The following CFAP46 variants were observed in gnomAD, a reference collection of about 807,000 sequenced individuals.
The protein encoded by CFAP46 is cilia- and flagella-associated protein 46.
A neutral mutation model predicts 325.7 loss-of-function variants in CFAP46; 245 were observed. The ratio of observed to expected loss-of-function variants is 0.75; its 90% CI spans 0.68 to 0.84. The LOEUF (loss-of-function observed/expected upper bound fraction) is 0.84. Among genes scored for constraint, CFAP46 ranks in the 40% least tolerant of loss-of-function variants. The pLI, the probability that CFAP46 is intolerant of heterozygous loss-of-function variation, is 0.00. For missense variants in CFAP46, 3,346 were observed against 3,543.0 expected (o/e 0.94, Z 1.41); for synonymous variants, 1,523 against 1,495.9 (o/e 1.02, Z -0.42).
intron 35 of CFAP46, among the ~76,000 whole-genome samples, chr10:132,863,239 C>T (rs1401492400): frequency 1.3e-5 from 2 of 152,142 alleles, no homozygotes; most frequent in Non-Finnish European, 2.9e-5. Context: ...CACCACCTCC[C>T]ACTGCCTCCC....
Position 132,828,941 on chromosome 10 carries a change from G to A in CFAP46, c.7117+4417C>T, listed in dbSNP as rs941256660. Among the ~76,000 whole-genome samples, 6 of 151,916 alleles carry A rather than the reference G, an allele frequency of 3.9e-5. No individual in the cohort carries two copies. The South Asian group carries it at 6.2e-4, about 16-fold the overall frequency. On this transcript the variant is annotated intron_variant, in intron 50 of 57. Transcript: ENST00000368586. This position sits in a 1 kb window ranked among gnomAD's most constrained non-coding sequence, Gnocchi z 4.9. ...CATCCCCTGGGTCTACACGGCTACC[G>A]TCACGCCTGCGCTCCACTGTATCAA...
At chr10:132,913,425 G>T (rs1043136649) in intron 17 of CFAP46, among the ~76,000 whole-genome samples, 167 bp from the exon 18 acceptor site, 7 of 152,188 alleles carry the variant, frequency 4.6e-5, no homozygotes, top group African/African-American at 1.7e-4. Flanking sequence ...CCCGCCGCTG[G>T]CACTCCCACC....
chr10:132,808,919 G>T lies in CFAP46; in HGVS notation c.7665-15C>A, dbSNP rs1388259380. ...AGAAGCCTCGTCTGTGGAGAAAGGG[G>T]CGGGAGCTATGAACCCCGAGGCCCC... On this transcript the variant is annotated splice_polypyrimidine_tract_variant and intron_variant, in intron 57 of 57. Coordinates refer to ENST00000368586, the MANE Select transcript of CFAP46 (RefSeq NM_001200049.3). This position sits in a 1 kb window ranked among gnomAD's most constrained non-coding sequence, Gnocchi z 6.8. 6.4e-7 allele frequency: 1 copy of T among 1,560,210 alleles called. No individual in the cohort carries two copies. The highest frequency in any genetic ancestry group is 2.3e-5 in the East Asian group (1 of 44,040).
chr10:132,844,053 G>C lies in CFAP46; in HGVS notation c.6438+2004C>G, dbSNP rs866916166. Among the ~76,000 whole-genome samples, 455 of 78,112 alleles carry C rather than the reference G, an allele frequency of 5.8e-3. 1 individual carries two copies. The highest frequency in any genetic ancestry group is 0.037 in the Middle Eastern group (3 of 80). 51.2% of individuals were successfully genotyped at this position (78,112 alleles called of 152,430 possible). A position where few individuals can be genotyped will look rare whatever the true frequency, so the allele number is the denominator to read the frequency against. On this transcript the variant is annotated intron_variant, in intron 44 of 57. Coordinates refer to ENST00000368586, the MANE Select transcript of CFAP46 (RefSeq NM_001200049.3). ...GGTGTTCCCAGGGTGCTGTGGGGCT[G>C]TGGTCTCGGTGGGTGTTCCCAGGGT...
chr10:132,878,186 G>GGCTCCCCAGACTCTAGT, intron 29 of CFAP46, 99 bp from the exon 30 acceptor site: 1 of 1,122,902 alleles, frequency 8.9e-7, no homozygotes, highest in Non-Finnish European at 1.3e-6. Context: ...AGACCCGCGG[G>GGCTCCCCAGACTCTAGT]GCTCCCCAGA....
At chr10:132,900,527 C>T (rs1313186278) in intron 22 of CFAP46, among the ~76,000 whole-genome samples, 1 of 152,262 alleles carries the variant, frequency 6.6e-6, no homozygotes, top group African/African-American at 2.4e-5. Flanking sequence ...GTCCCAGAGC[C>T]AGGAATCTGC....
intron 50 of CFAP46, among the ~76,000 whole-genome samples, chr10:132,825,913 G>A (rs1848037217): frequency 6.6e-6 from 1 of 152,188 alleles, no homozygotes; most frequent in South Asian, 2.1e-4. Flanking sequence ...TCTGGTAACG[G>A]GGGGTGGGGC....
chr10:132,899,527 C>T lies in CFAP46; in HGVS notation c.3056+8G>A. 1 of 1,543,546 alleles carries T rather than the reference C, an allele frequency of 6.5e-7. No individual in the cohort carries two copies. The highest frequency in any genetic ancestry group is 1.2e-5 in the South Asian group (1 of 82,792). Reference sequence around the variant, plus strand: ...CAGAGCCCACCCCAGCCCCTTAGAGCCACACACCTGGCGCTCTCCGTGAAG... The same window carrying T: ...CAGAGCCCACCCCAGCCCCTTAGAGTCACACACCTGGCGCTCTCCGTGAAG... On this transcript the variant is annotated splice_region_variant and intron_variant, in intron 23 of 57. Coordinates refer to ENST00000368586, the MANE Select transcript of CFAP46 (RefSeq NM_001200049.3).
chr10:132,885,448 G>GGTGAGCCTCGGGT (rs1849108281), intron 26 of CFAP46, among the ~76,000 whole-genome samples, 162 bp from the exon 27 acceptor site: 1 of 151,846 alleles, frequency 6.6e-6, no homozygotes, highest in African/African-American at 2.4e-5. Flanking sequence ...GGGTCTCGGG[G>GGTGAGCCTCGGGT]GTGAGCGGGG....
At position 132,847,147 on chromosome 10, in the gene CFAP46, C is replaced by G. The variant is rs375168895; in HGVS notation, c.6088-36G>C. 2 of 1,607,958 alleles carry G rather than the reference C, an allele frequency of 1.2e-6. No homozygotes were observed. Among genetic ancestry groups the G allele is most frequent in the South Asian group, 1.1e-5 (1 of 90,786 alleles). The stretch of plus-strand genomic sequence containing the variant: ...CAAGGCTCAGGCTCAGGCCAGGCTC[C>G]GGGCAGAGGCCACACGAGGGGCAGG... On this transcript the variant is annotated intron_variant, in intron 42 of 57. Coordinates refer to ENST00000368586, the MANE Select transcript of CFAP46 (RefSeq NM_001200049.3). The surrounding 1 kb of genome is among the most constrained non-coding windows in gnomAD (Gnocchi z 5.2).
intron 34 of CFAP46, 85 bp downstream of exon 34, chr10:132,867,290 C>T (rs1240285817): frequency 4.7e-6 from 7 of 1,489,376 alleles, no homozygotes; most frequent in Non-Finnish European, 6.3e-6. Flanking sequence ...GGCCGGCCGC[C>T]TGGCTCAGCT....
Position 132,859,241 on chromosome 10 carries a change from C to T in CFAP46, c.5205G>A (p.Leu1735=). ...FMITDLEARC[L]SLRVRVAQHS... ...GCTGCGCAACTCTGACCCGCAGGCT[C>T]AGGCACCTGACGGAGGGACGGTTTG... Residue 1735 remains leucine (L), a synonymous_variant, in exon 38 of 58, where the codon CTG becomes CTA. Coordinates refer to ENST00000368586, the MANE Select transcript of CFAP46 (RefSeq NM_001200049.3). The T allele has an allele frequency of 6.5e-7, 1 of 1,548,236 alleles. No homozygotes were observed. The highest frequency in any genetic ancestry group is 8.7e-7 in the Non-Finnish European group (1 of 1,146,544).
intron 40 of CFAP46, among the ~76,000 whole-genome samples, 153 bp downstream of exon 40, chr10:132,850,964 G>C (rs1848530951): frequency 6.6e-6 from 1 of 152,212 alleles, no homozygotes. Flanking sequence ...GTGAGACAAT[G>C]CCCGGGAGCT....
intron 37 of CFAP46, among the ~76,000 whole-genome samples, chr10:132,860,155 C>G (rs1296794215): frequency 6.6e-6 from 1 of 152,188 alleles, no homozygotes; most frequent in South Asian, 2.1e-4. Flanking sequence ...TTTCCCAGGC[C>G]CTTCCCAAGG....
At chr10:132,904,042 C>T (rs1190018330) in intron 22 of CFAP46, among the ~76,000 whole-genome samples, 1 of 152,196 alleles carries the variant, frequency 6.6e-6, no homozygotes, top group Non-Finnish European at 1.5e-5. Flanking sequence ...GCCATTTTTG[C>T]TATTAGTGTA....
intron 27 of CFAP46, among the ~76,000 whole-genome samples, chr10:132,881,881 G>A (rs1485455730): frequency 2.6e-5 from 4 of 152,272 alleles, no homozygotes; most frequent in Non-Finnish European, 5.9e-5. Context: ...AATCTGCTGG[G>A]GGTTCCCTCT....
At chr10:132,862,531 G>A (rs2135240313) in intron 35 of CFAP46, among the ~76,000 whole-genome samples, 1 of 152,216 alleles carries the variant, frequency 6.6e-6, no homozygotes. Context: ...TGAGGAGTGG[G>A]CAGTACAACA....
At chr10:132,936,889 G>T in intron 7 of CFAP46, 72 bp downstream of exon 7, 1 of 858,534 alleles carries the variant, frequency 1.2e-6, no homozygotes, top group Non-Finnish European at 1.7e-6. Context: ...TCCCCCCATG[G>T]AGGGGACAGA....
intron 46 of CFAP46, among the ~76,000 whole-genome samples, chr10:132,835,788 A>AAAGGGCCC (rs1848231042): frequency 6.6e-6 from 1 of 151,854 alleles, no homozygotes; most frequent in African/African-American, 2.4e-5. Flanking sequence ...TTCTGGAAGG[A>AAAGGGCCC]AAGGGCCCGT....
Sources: allele counts gnomAD v4.1 joint callset (sites outside exome capture counted in the v4.1 genomes callset), GRCh38; gene constraint gnomAD v4.1.1; non-coding constraint Gnocchi (gnomAD v3.1); transcripts MANE v1.5; gene names NCBI Gene and HGNC (gene_info 2026-07-23, HGNC 2026-07-21).